The following ADGB variants were observed in gnomAD, a reference collection of about 807,000 sequenced individuals.
ADGB encodes the protein calpain-7-like protein.
In ADGB, 172 loss-of-function variants were observed where a neutral mutation model predicts 210.5. The observed-to-expected ratio is 0.82, with a 90% CI of 0.72 to 0.93. The LOEUF (loss-of-function observed/expected upper bound fraction) is 0.93, where lower values mean the gene tolerates loss of function less well. Ranked by LOEUF, ADGB falls within the 40% of genes least tolerant of loss-of-function variation. The probability of loss-of-function intolerance (pLI) is 0.00; values close to 1 mark genes in which losing one functional copy is unlikely to be tolerated. For missense variants in ADGB, 2,025 were observed against 1,964.8 expected (o/e 1.03, Z -0.58); for synonymous variants, 658 against 662.7 (o/e 0.99, Z 0.11).
intron 1 of ADGB, among the ~76,000 whole-genome samples, chr6:146,604,904 G>T (rs1312165500): frequency 6.6e-6 from 1 of 152,144 alleles, no homozygotes; most frequent in Admixed American, 6.5e-5. Flanking sequence ...AGGAGTTAGA[G>T]GAGAGGAAGA....
intron 33 of ADGB, among the ~76,000 whole-genome samples, chr6:146,800,968 T>G (rs1277854485): frequency 6.6e-6 from 1 of 151,876 alleles, no homozygotes; most frequent in Non-Finnish European, 1.5e-5. Flanking sequence ...ATCTCCCTCA[T>G]TTAACTAAAA....
intron 7 of ADGB, among the ~76,000 whole-genome samples, chr6:146,671,258 A>G (rs1185072715): frequency 6.6e-6 from 1 of 152,184 alleles, no homozygotes; most frequent in Non-Finnish European, 1.5e-5. Context: ...AGAACAGCAA[A>G]TGGCAGGAGT....
At chr6:146,707,949 T>A (rs2114553704) in intron 13 of ADGB, among the ~76,000 whole-genome samples, 1 of 152,192 alleles carries the variant, frequency 6.6e-6, no homozygotes, top group Non-Finnish European at 1.5e-5. Context: ...GTAATTAGGT[T>A]ATGTTTTTAG....
intron 8 of ADGB, 40 bp from the exon 9 acceptor site, chr6:146,676,273 G>A (rs1446054202): frequency 6.7e-7 from 1 of 1,490,528 alleles, no homozygotes; most frequent in African/African-American, 1.4e-5. Flanking sequence ...GTTTGAGATT[G>A]TCTAGTTAAA....
intron 29 of ADGB, among the ~76,000 whole-genome samples, chr6:146,779,254 A>G (rs1189511330): frequency 6.6e-6 from 1 of 152,222 alleles, no homozygotes; most frequent in Non-Finnish European, 1.5e-5. Context: ...TTTCTCCACA[A>G]AATGGTAGTC....
At chr6:146,813,307 A>C in intron 35 of ADGB, among the ~76,000 whole-genome samples, 1 of 150,970 alleles carries the variant, frequency 6.6e-6, no homozygotes, top group African/African-American at 2.5e-5. Flanking sequence ...TCTTCTGGAT[A>C]TGTCTTAGAG....
In ADGB at chr6:146,656,840, T is replaced by A; in HGVS notation, c.472T>A (p.Tyr158Asn). ...CTTCAATGGAGGAATTTTGAGCAAT[T>A]ATTTTAAGGGGACTTCAGGGGAACC... ...KIFNGGILSN[Y>N]FKGTSGEPPL... The change falls in exon 5 of 36, where the codon TAT becomes AAT. Residue 158 changes from tyrosine (Y) to asparagine (N), a missense_variant. Tyr to Asn is a moderately radical substitution (Grantham distance 143). Coordinates refer to ENST00000397944, the MANE Select transcript of ADGB (RefSeq NM_024694.4). 1.3e-6 allele frequency: 2 copies of A among 1,551,428 alleles called. No individual in the cohort carries two copies. The highest frequency in any genetic ancestry group is 1.7e-6 in the Non-Finnish European group (2 of 1,146,738).
intron 9 of ADGB, 130 bp downstream of exon 9, chr6:146,676,571 G>A: frequency 1.1e-6 from 1 of 938,312 alleles, no homozygotes; most frequent in Non-Finnish European, 1.4e-6. Context: ...TGCCATAAAT[G>A]TTGGGTTCTC....
At chr6:146,664,071 G>A (rs201842729) in intron 5 of ADGB, 130 bp from the exon 6 acceptor site, 146 of 858,764 alleles carry the variant, frequency 1.7e-4, no homozygotes, top group Middle Eastern at 7.5e-4. Context: ...CAGTATCTCC[G>A]TCTTTCAGTG....
chr6:146,801,977 A>G lies in ADGB; in HGVS notation c.4784A>G (p.Lys1595Arg). Residue 1595 changes from lysine to arginine, a missense_variant, in exon 35 of 36, where the codon AAG becomes AGG. Physicochemically the swap from Lys to Arg is conservative, Grantham distance 26 (BLOSUM62 2). Coordinates refer to ENST00000397944, the MANE Select transcript of ADGB (RefSeq NM_024694.4). ...GACCAAGAAGAGCGGTTGAAGTTAA[A>G]GGATGAAGTCCTGGATATGTATAAG... is the stretch of plus-strand genomic sequence containing the variant. ...NIDQEERLKL[K>R]DEVLDMYKEM... is the part of the protein sequence containing the mutation. 6.5e-7 allele frequency: 1 copy of G among 1,549,998 alleles called. No homozygotes were observed. The highest frequency in any genetic ancestry group is 8.7e-7 in the Non-Finnish European group (1 of 1,146,346).
chr6:146,735,686 C>T (rs557018591), intron 22 of ADGB, among the ~76,000 whole-genome samples: 1 of 152,276 alleles, frequency 6.6e-6, no homozygotes, highest in Admixed American at 6.5e-5. Flanking sequence ...AATGATTTTA[C>T]TTCCCTTTTT....
intron 27 of ADGB, among the ~76,000 whole-genome samples, chr6:146,762,642 G>A (rs1777509648): frequency 6.6e-6 from 1 of 152,100 alleles, no homozygotes; most frequent in African/African-American, 2.4e-5. Context: ...AATTGAAAGA[G>A]TGTTGAATCT....
chr6:146,705,810 T>A (rs1776561940), intron 13 of ADGB, among the ~76,000 whole-genome samples: 2 of 152,208 alleles, frequency 1.3e-5, no homozygotes, highest in South Asian at 2.1e-4. Flanking sequence ...TTGAAATTAT[T>A]CTCTCTTTGT....
intron 35 of ADGB, chr6:146,803,363 G>T: frequency 1.9e-6 from 3 of 1,606,506 alleles, no homozygotes; most frequent in Non-Finnish European, 2.6e-6. Context: ...GACTGTCATG[G>T]TGTAATTTTT....
chr6:146,787,467 A>C (rs1029349346), intron 32 of ADGB, among the ~76,000 whole-genome samples: 9 of 152,096 alleles, frequency 5.9e-5, no homozygotes, highest in Admixed American at 5.2e-4. Context: ...AGTAAGCTTC[A>C]TTTTATAAGA....
At chr6:146,681,729 TA>T (rs1209457462) in intron 9 of ADGB, among the ~76,000 whole-genome samples, 1 of 152,156 alleles carries the variant, frequency 6.6e-6, no homozygotes, top group African/African-American at 2.4e-5. Flanking sequence ...GGACTTGGTA[TA>T]AAAAGTCTTT....
In ADGB at chr6:146,644,833, T is replaced by A; in HGVS notation, c.298T>A (p.Trp100Arg). Residue 100 changes from tryptophan (W) to arginine (R), a missense_variant, in exon 3 of 36, where the codon TGG (tryptophan) becomes AGG (arginine). By Grantham distance (101) the Trp-to-Arg change is moderately radical. Coordinates refer to ENST00000397944, the MANE Select transcript of ADGB (RefSeq NM_024694.4). The stretch of plus-strand genomic sequence containing the variant: ...ACCACCATCCTTGAAAATTTATTCC[T>A]GGAAACGTCCACAAGATATTTTATT... The part of the protein sequence containing the change: ...ELPPSLKIYS[W>R]KRPQDILFSQ... 1 of 1,492,866 alleles carries A rather than the reference T, an allele frequency of 6.7e-7. No homozygotes were observed. Among genetic ancestry groups the A allele is most frequent in the Non-Finnish European group, 8.9e-7 (1 of 1,120,808 alleles). The allele number at this position is 1,492,866 out of a possible 1,614,324, so 92.5% of individuals were successfully genotyped here.
rs528495226 is a variant in ADGB, at chr6:146,626,379, T to C, written c.75-8996T>C. ...AAATTATCTTTATTTGTTTGGCAGA[T>C]CCATATTTCCATCTGCTATCATTTT... On this transcript the variant is annotated intron_variant, in intron 1 of 35. Transcript: ENST00000397944. Among the ~76,000 whole-genome samples the C allele has an allele frequency of 2.6e-5, 4 of 152,106 alleles. No individual in the cohort carries two copies. In the South Asian group the frequency reaches 8.3e-4, roughly 32 times the overall value.
At chr6:146,738,388 C>A (rs1431578131) in intron 23 of ADGB, among the ~76,000 whole-genome samples, 1 of 148,072 alleles carries the variant, frequency 6.8e-6, no homozygotes, top group Non-Finnish European at 1.5e-5. Context: ...CTGAGTTTAC[C>A]AATTTATGAT....
Sources: allele counts gnomAD v4.1 joint callset (sites outside exome capture counted in the v4.1 genomes callset), GRCh38; gene constraint gnomAD v4.1.1; transcripts MANE v1.5; gene names NCBI Gene and HGNC (gene_info 2026-07-23, HGNC 2026-07-21).